Variants in ATP10B observed in about 807,000 individuals in gnomAD.
ATP10B encodes the protein ATPase phospholipid transporting 10B (putative), also known as phospholipid-transporting ATPase VB.
A neutral mutation model predicts 141.2 loss-of-function variants in ATP10B; 122 were observed. The observed-to-expected ratio is 0.86, with a 90% CI of 0.75 to 1.00. ATP10B has a LOEUF of 1.00. ATP10B is among the 50% of genes least tolerant of loss of function. ATP10B has a pLI of 0.00. For synonymous variants in ATP10B, 685 were observed against 692.0 expected (o/e 0.99, Z 0.16); for missense variants, 1,876 against 1,825.3 (o/e 1.03, Z -0.51).
the ATP10B span, among the ~76,000 whole-genome samples, chr5:160,884,882 T>C: frequency 1.7e-3 from 253 of 152,292 alleles, 2 homozygotes; most frequent in African/African-American, 5.8e-3. Flanking sequence ...CTACTGGATG[T>C]TTAATTGCAG....
At chr5:160,878,246 G>T in the ATP10B span, among the ~76,000 whole-genome samples, 1 of 151,250 alleles carries the variant, frequency 6.6e-6, no homozygotes, top group Non-Finnish European at 1.5e-5. Flanking sequence ...ACAACTATCT[G>T]ATCTTTGACA....
chr5:160,754,648 T>C (rs1768389555), intron 2 of ATP10B, among the ~76,000 whole-genome samples: 1 of 152,178 alleles, frequency 6.6e-6, no homozygotes, highest in Admixed American at 6.5e-5. Context: ...CAATGTGCAA[T>C]ATCTAAGCAA....
chr5:160,689,030 A>C, intron 3 of ATP10B, 87 bp from the exon 4 acceptor site: 9 of 710,052 alleles, frequency 1.3e-5, no homozygotes, highest in Non-Finnish European at 1.6e-5. Context: ...CTTGTCCACC[A>C]CCATCGAGTC....
the ATP10B span, among the ~76,000 whole-genome samples, chr5:160,891,410 CTTT>C: frequency 1.3e-5 from 2 of 152,234 alleles, no homozygotes; most frequent in African/African-American, 4.8e-5. Flanking sequence ...GCATGACCTG[CTTT>C]TTATCTAAAA....
At chr5:160,877,379 A>T in the ATP10B span, among the ~76,000 whole-genome samples, 15 of 107,070 alleles carry the variant, frequency 1.4e-4, no homozygotes, top group East Asian at 7.4e-4. Context: ...TTGATGGGAC[A>T]TATTTCAAAA....
At chr5:160,849,726 G>A (rs1244841659) in intron 1 of ATP10B, among the ~76,000 whole-genome samples, 1 of 151,834 alleles carries the variant, frequency 6.6e-6, no homozygotes, top group African/African-American at 2.4e-5. Flanking sequence ...TCATATGCAA[G>A]TTTTATTCCA....
chr5:160,842,016 C>T (rs992926112), intron 1 of ATP10B, among the ~76,000 whole-genome samples: 10 of 152,252 alleles, frequency 6.6e-5, no homozygotes, highest in South Asian at 2.1e-4. Flanking sequence ...TGAGCCATCG[C>T]GCCCGGCCTA....
intron 9 of ATP10B, among the ~76,000 whole-genome samples, chr5:160,643,463 A>C (rs1760029922): frequency 6.6e-6 from 1 of 152,186 alleles, no homozygotes; most frequent in Non-Finnish European, 1.5e-5. Context: ...ACCTACGAGC[A>C]CTGGTGTTAA....
chr5:160,596,833 C>T (rs1173151501), intron 22 of ATP10B, among the ~76,000 whole-genome samples: 1 of 152,168 alleles, frequency 6.6e-6, no homozygotes, highest in Non-Finnish European at 1.5e-5. Context: ...ATCCAACTTA[C>T]AAGGGACGTG....
intron 3 of ATP10B, among the ~76,000 whole-genome samples, chr5:160,706,412 T>A (rs935987495): frequency 1.3e-5 from 2 of 152,210 alleles, no homozygotes; most frequent in East Asian, 3.8e-4. Context: ...ATGGATTTAA[T>A]TTGTAATAAT....
the ATP10B span, among the ~76,000 whole-genome samples, chr5:160,923,645 C>T: frequency 6.6e-6 from 1 of 152,336 alleles, no homozygotes; most frequent in Non-Finnish European, 1.5e-5. Context: ...TACGCACCTT[C>T]CTGATAACAG....
chr5:160,732,241 C>A (rs182610992), intron 2 of ATP10B, among the ~76,000 whole-genome samples: 1 of 152,272 alleles, frequency 6.6e-6, no homozygotes, highest in Non-Finnish European at 1.5e-5. Flanking sequence ...TTTAAAAATT[C>A]ACTGGACAGA....
chr5:160,866,117 T>C, the ATP10B span, among the ~76,000 whole-genome samples: 2,031 of 151,682 alleles, frequency 0.013, 23 homozygotes, highest in Non-Finnish European at 0.022. Context: ...TGCACATGTA[T>C]GTTTATAGCA....
chr5:160,814,528 C>T (rs1214644041), intron 1 of ATP10B, among the ~76,000 whole-genome samples: 5 of 147,518 alleles, frequency 3.4e-5, no homozygotes, highest in Non-Finnish European at 7.6e-5. Flanking sequence ...CTGAAAGTGA[C>T]GGGGAGAACG....
At chr5:160,800,858 G>A (rs143718857) in intron 1 of ATP10B, among the ~76,000 whole-genome samples, 240 of 152,296 alleles carry the variant, frequency 1.6e-3, no homozygotes, top group Non-Finnish European at 2.4e-3. Flanking sequence ...CTGAGGTATA[G>A]GCCTACTCTT....
intron 17 of ATP10B, 144 bp downstream of exon 17, chr5:160,615,694 C>G (rs987875775): frequency 1.4e-5 from 14 of 992,860 alleles, no homozygotes; most frequent in Admixed American, 2.2e-5. Context: ...TTGGCATGGC[C>G]CATTTGTGCC....
the ATP10B span, among the ~76,000 whole-genome samples, chr5:160,918,639 G>A: frequency 9.2e-5 from 14 of 152,280 alleles, no homozygotes; most frequent in Admixed American, 7.8e-4. Context: ...CTTTCTTTAA[G>A]ATGTTGGAGA....
chr5:160,824,314 C>T (rs1458788753), intron 1 of ATP10B, among the ~76,000 whole-genome samples: 2 of 152,176 alleles, frequency 1.3e-5, no homozygotes, highest in African/African-American at 4.8e-5. Flanking sequence ...CTGCACCCAA[C>T]CCCACATTTT....
the ATP10B span, among the ~76,000 whole-genome samples, chr5:160,914,196 C>T: frequency 1.3e-5 from 2 of 152,076 alleles, no homozygotes; most frequent in African/African-American, 2.4e-5. Context: ...GATAGGTAAA[C>T]AACTATTTGT....
Sources: gnomAD v4.1 joint callset for allele counts (sites outside exome capture counted in the v4.1 genomes callset) on GRCh38, gnomAD v4.1.1 for gene constraint, MANE v1.5 for transcripts, NCBI Gene and HGNC (gene_info 2026-07-23, HGNC 2026-07-21) for gene names.